The following PRRG2 variants were observed in gnomAD, a reference collection of about 807,000 sequenced individuals.
PRRG2 encodes transmembrane gamma-carboxyglutamic acid protein 2.
Under a neutral mutation model 27.1 loss-of-function variants are expected in PRRG2, and 23 were observed. The ratio of observed to expected loss-of-function variants is 0.85; its 90% CI spans 0.61 to 1.20. The LOEUF is 1.20. Among genes scored for constraint, PRRG2 ranks in the 50% most tolerant of loss-of-function variants. The probability of loss-of-function intolerance (pLI) is 0.00; values close to 1 mark genes in which losing one functional copy is unlikely to be tolerated. For missense variants in PRRG2, 276 were observed against 254.8 expected, an observed-to-expected ratio of 1.08 and a Z score of -0.57; for synonymous variants, 104 against 103.4, an observed-to-expected ratio of 1.01 and a Z score of -0.03.
Position 49,590,198 on chromosome 19 carries a change from G to A in PRRG2, c.590+146G>A. 4 of 1,399,770 alleles carry A rather than the reference G, an allele frequency of 2.9e-6. No homozygotes were observed. In the South Asian group the frequency reaches 3.7e-5, roughly 13 times the overall value. 86.7% of individuals were successfully genotyped at this position (1,399,770 alleles called of 1,614,324 possible). A position where few individuals can be genotyped will look rare whatever the true frequency, so the allele number is the denominator to read the frequency against. ...GTGCGGGGGCGGGGCCCCATGCAAT[G>A]GTCTAGGGGCGTGGCCCAGCGTTGT... On this transcript the variant is annotated intron_variant, in intron 6 of 6. Transcript: ENST00000246794.
At chr19:49,584,461 C>T (rs1035034330) in intron 4 of PRRG2, among the ~76,000 whole-genome samples, 2 of 152,034 alleles carry the variant, frequency 1.3e-5, no homozygotes, top group South Asian at 2.1e-4. Context: ...TGAGCCACCG[C>T]GCCAGGCCTT....
Position 49,588,467 on chromosome 19 carries a change from C to G in PRRG2, c.302-30C>G, listed in dbSNP as rs577654500. The G allele has an allele frequency of 1.8e-5, 29 of 1,574,622 alleles. No homozygotes were observed. In the South Asian group the frequency reaches 3.4e-4, roughly 18 times the overall value. On this transcript the variant is annotated intron_variant, in intron 4 of 6. Coordinates refer to ENST00000246794, the MANE Select transcript of PRRG2 (RefSeq NM_000951.3). ...TTGGGGTGGGTGGCAGTCCCCGAGA[C>G]AGTGTCTCCCCTTCCCTACTTTCCT...
intron 6 of PRRG2, 136 bp downstream of exon 6, chr19:49,590,188 C>A: frequency 7.1e-7 from 1 of 1,402,616 alleles, no homozygotes; most frequent in Non-Finnish European, 9.7e-7. Flanking sequence ...GGGGCGGGGC[C>A]CCATGCAATG....
intron 4 of PRRG2, among the ~76,000 whole-genome samples, chr19:49,587,947 G>T (rs112727702): frequency 0.35 from 52,385 of 149,474 alleles, 10,820 homozygotes; most frequent in African/African-American, 0.6. Flanking sequence ...TTTGGTTTTT[G>T]TTTGTTTGTT....
chr19:49,587,324 CTTTTTTT>C (rs527352052), intron 4 of PRRG2, among the ~76,000 whole-genome samples: 1 of 121,774 alleles, frequency 8.2e-6, no homozygotes, highest in African/African-American at 3.4e-5. Flanking sequence ...ATGTGACATC[CTTTTTTT>C]TTTTTTTTTT....
chr19:49,590,725 G>T lies in PRRG2; in HGVS notation c.*336G>T. The T allele has an allele frequency of 2.4e-6, 1 of 415,540 alleles. No homozygotes were observed. The highest frequency in any genetic ancestry group is 5.0e-5 in the East Asian group (1 of 19,848). The allele number at this position is 415,540 out of a possible 1,614,324, so 25.7% of individuals were successfully genotyped here. A position where few individuals can be genotyped will look rare whatever the true frequency, so the allele number is the denominator to read the frequency against. ...CCCGGCTGTGCCATCTTGTGTATGG[G>T]CAGATATGACCTGACAGCCCCCTCC... On this transcript the variant is annotated 3_prime_UTR_variant, in exon 7 of 7. Coordinates refer to ENST00000246794, the MANE Select transcript of PRRG2 (RefSeq NM_000951.3).
chr19:49,582,672 CCTGA>C (rs1338604704), intron 1 of PRRG2, among the ~76,000 whole-genome samples: 3 of 151,892 alleles, frequency 2.0e-5, no homozygotes, highest in African/African-American at 7.3e-5. Flanking sequence ...TCGAGACCAT[CCTGA>C]CTAACACAGT....
At position 49,589,992 on chromosome 19, in the gene PRRG2, C is replaced by T; in HGVS notation, c.530C>T (p.Thr177Ile). 2 of 1,530,944 alleles carry T rather than the reference C, an allele frequency of 1.3e-6. No individual in the cohort carries two copies. Among genetic ancestry groups the T allele is most frequent in the Non-Finnish European group, 1.8e-6 (2 of 1,142,830 alleles). The allele number at this position is 1,530,944 out of a possible 1,614,324, so 94.8% of individuals were successfully genotyped here. A position where few individuals can be genotyped will look rare whatever the true frequency, so the allele number is the denominator to read the frequency against. Residue 177 changes from threonine to isoleucine, a missense_variant, in exon 6 of 7, where the codon ACC becomes ATC. Thr to Ile is a moderately conservative substitution (Grantham distance 89). Transcript: ENST00000246794. ...CCACCCCCACCCCCAGGCCTCCCCA[C>T]CTATGAGCAGGCGCTGGCAGCCTCT... ...PPPPPPPGLP[T>I]YEQALAASGV...
chr19:49,588,543 T>C lies in PRRG2; in HGVS notation c.348T>C (p.Gly116=). The change falls in exon 5 of 7, where the codon GGT becomes GGC. Residue 116 remains glycine (G), a synonymous_variant. Transcript: ENST00000246794. ...CCAGCCTGGCTGTGGGGCTGACAGG[T>C]GGCATCCTGCTCATTGTCCTGGCCG... The part of the protein sequence containing the change: ...DVASLAVGLT[G]GILLIVLAGL... The C allele has an allele frequency of 6.3e-7, 1 of 1,577,772 alleles. No homozygotes were observed. Among genetic ancestry groups the C allele is most frequent in the Middle Eastern group, 1.7e-4 (1 of 5,972 alleles).
In PRRG2 at chr19:49,589,992, C is replaced by G; in HGVS notation, c.530C>G (p.Thr177Ser). The change falls in exon 6 of 7, where the codon ACC becomes AGC. Residue 177 changes from threonine to serine, a missense_variant. Transcript: ENST00000246794. Reference protein sequence around the residue: ...PPPPPPPGLPTYEQALAASGV... With the variant: ...PPPPPPPGLPSYEQALAASGV... ...CCACCCCCACCCCCAGGCCTCCCCA[C>G]CTATGAGCAGGCGCTGGCAGCCTCT... 1.3e-6 allele frequency: 2 copies of G among 1,530,946 alleles called. No individual in the cohort carries two copies. Among genetic ancestry groups the G allele is most frequent in the East Asian group, 2.4e-5 (1 of 41,124 alleles). The allele number at this position is 1,530,946 out of a possible 1,614,324, so 94.8% of individuals were successfully genotyped here.
At chr19:49,589,738 G>T (rs946396808) in intron 5 of PRRG2, among the ~76,000 whole-genome samples, 162 bp from the exon 6 acceptor site, 2 of 151,978 alleles carry the variant, frequency 1.3e-5, no homozygotes, top group Non-Finnish European at 2.9e-5. Flanking sequence ...TTTTCTGTGT[G>T]TAAGGCTAGG....
intron 5 of PRRG2, 22 bp from the exon 6 acceptor site, chr19:49,589,868 GCCTCTGCTAA>G: frequency 1.2e-6 from 2 of 1,610,816 alleles, no homozygotes; most frequent in African/African-American, 2.7e-5. Flanking sequence ...CCTGTAAGTT[GCCTCTGCTAA>G]CTGTACCTTT....
intron 4 of PRRG2, 21 bp downstream of exon 4, chr19:49,583,973 A>C (rs756978512): frequency 6.2e-7 from 1 of 1,609,768 alleles, no homozygotes. Flanking sequence ...GGCTGAAGCC[A>C]TCTTGTTCTG....
At chr19:49,582,071 C>G (rs987099693) in intron 1 of PRRG2, among the ~76,000 whole-genome samples, 3 of 151,478 alleles carry the variant, frequency 2.0e-5, no homozygotes, top group Non-Finnish European at 2.9e-5. Flanking sequence ...GAAACCCCAT[C>G]TCTACTAAAA....
rs893243485 is a variant in PRRG2 at position 49,586,089 on chromosome 19, A to C, written c.301+2137A>C. ...AGTGTCTCCAAAAAAAAAAAAAAAAAAAAAAAAACAAGGAAATGGGGTCAT... is the reference window on the plus strand; with the variant it reads ...AGTGTCTCCAAAAAAAAAAAAAAAACAAAAAAAACAAGGAAATGGGGTCAT... On this transcript the variant is annotated intron_variant, in intron 4 of 6. Transcript: ENST00000246794. Among the ~76,000 whole-genome samples the C allele has an allele frequency of 5.3e-5, 8 of 151,182 alleles. No individual in the cohort carries two copies. In the East Asian group the frequency reaches 5.8e-4, roughly 11 times the overall value.
At chr19:49,587,031 C>T (rs2080675621) in intron 4 of PRRG2, among the ~76,000 whole-genome samples, 1 of 152,000 alleles carries the variant, frequency 6.6e-6, no homozygotes, top group Non-Finnish European at 1.5e-5. Flanking sequence ...GTGGCACACA[C>T]CTGTGGTCCC....
rs368471214 is a variant in PRRG2 at position 49,590,372 on chromosome 19, C to T, written c.592C>T (p.Leu198Phe). The T allele has an allele frequency of 1.2e-5, 20 of 1,614,114 alleles. No homozygotes were observed. The highest frequency in any genetic ancestry group is 1.7e-5 in the Admixed American group (1 of 60,008). ...CCTAGTGTGCCTTTCCTCTTGCAGC[C>T]TCAGGAGGCCTCACTGAAGAGCTGC... ...HDAPPPPYTS[L>F]RRPH Residue 198 changes from leucine to phenylalanine, a missense_variant and splice_region_variant, in exon 7 of 7, where the codon CTC becomes TTC. By Grantham distance (22) the Leu-to-Phe change is conservative. Coordinates refer to ENST00000246794, the MANE Select transcript of PRRG2 (RefSeq NM_000951.3).
rs537504971 is a variant in PRRG2 at position 49,590,316 on chromosome 19, G to T, written c.591-55G>T. The T allele has an allele frequency of 1.4e-5, 22 of 1,613,122 alleles. No homozygotes were observed. The Admixed American group carries it at 2.5e-4, about 18-fold the overall frequency. On this transcript the variant is annotated intron_variant, in intron 6 of 6. Coordinates refer to ENST00000246794, the MANE Select transcript of PRRG2 (RefSeq NM_000951.3). Reference sequence around the variant, plus strand: ...GGCGGTCGGAGTGGTCCTGGTTGAAGGGGGGAGAAAAACAGCCAGATCTTT... The same window carrying T: ...GGCGGTCGGAGTGGTCCTGGTTGAATGGGGGAGAAAAACAGCCAGATCTTT...
Position 49,583,717 on chromosome 19 carries a change from G to A in PRRG2, c.261G>A (p.Thr87=), listed in dbSNP as rs141954964. The A allele has an allele frequency of 1.9e-4, 302 of 1,613,636 alleles. No individual in the cohort carries two copies. The highest frequency in any genetic ancestry group is 2.5e-4 in the Non-Finnish European group (290 of 1,179,808). Residue 87 remains threonine, a splice_region_variant and synonymous_variant, in exon 3 of 7, where the codon ACG becomes ACA. Coordinates refer to ENST00000246794, the MANE Select transcript of PRRG2 (RefSeq NM_000951.3). The part of the protein sequence containing the change: ...AREYFEDNTL[T]ERFWESYIYN... ...AGTATTTTGAGGACAACACTCTCAC[G>A]GTGAGGGCCTCGAGACCCTGGAGTT... is the stretch of plus-strand genomic sequence containing the variant.
Sources: allele counts gnomAD v4.1 joint callset (sites outside exome capture counted in the v4.1 genomes callset), GRCh38; gene constraint gnomAD v4.1.1; transcripts MANE v1.5; gene names NCBI Gene and HGNC (gene_info 2026-07-23, HGNC 2026-07-21).